The following QTRT2 variants were observed in gnomAD, a reference collection of about 807,000 sequenced individuals.
QTRT2 encodes queuine tRNA-ribosyltransferase domain containing 1.
Under a neutral mutation model 44.8 loss-of-function variants are expected in QTRT2, and 32 were observed. The ratio of observed to expected loss-of-function variants is 0.71; its 90% confidence interval spans 0.54 to 0.96. QTRT2 has a LOEUF of 0.96. Ranked by LOEUF, QTRT2 falls within the 40% of genes least tolerant of loss-of-function variation. The probability of loss-of-function intolerance (pLI) is 0.00; values close to 1 mark genes in which losing one functional copy is unlikely to be tolerated. For missense variants in QTRT2, 461 were observed against 503.1 expected (o/e 0.92, Z 0.80); for synonymous variants, 182 against 187.4 (o/e 0.97, Z 0.24).
chr3:114,060,679 G>T (rs1246428865), intron 2 of QTRT2, among the ~76,000 whole-genome samples: 3 of 152,114 alleles, frequency 2.0e-5, no homozygotes, highest in Non-Finnish European at 4.4e-5. Flanking sequence ...CACAGTAGTA[G>T]ATGTTAGTCA....
intron 6 of QTRT2, among the ~76,000 whole-genome samples, chr3:114,073,358 T>A (rs1157128373): frequency 6.6e-6 from 1 of 152,096 alleles, no homozygotes; most frequent in Non-Finnish European, 1.5e-5. Flanking sequence ...CTTCTGCATA[T>A]TTGTGGGGGT....
At position 114,087,125 on chromosome 3, in the gene QTRT2, C is replaced by T. The variant is rs1160222026; in HGVS notation, c.*1221C>T. The T allele has an allele frequency of 6.6e-6, 1 of 152,156 alleles. No homozygotes were observed. The highest frequency in any genetic ancestry group is 1.5e-5 in the Non-Finnish European group (1 of 68,028). The allele number at this position is 152,156 out of a possible 1,614,324, so 9.4% of individuals were successfully genotyped here. A position where few individuals can be genotyped will look rare whatever the true frequency, so the allele number is the denominator to read the frequency against. On this transcript the variant is annotated 3_prime_UTR_variant, in exon 10 of 10. Coordinates refer to ENST00000281273, the MANE Select transcript of QTRT2 (RefSeq NM_024638.4). ...TAAGGAATACACATACACCCACATG[C>T]ACACACCATAGTTTTTATACAAACA...
chr3:114,057,220 C>G, intron 2 of QTRT2, 114 bp downstream of exon 2: 1 of 320,690 alleles, frequency 3.1e-6, no homozygotes. Flanking sequence ...GCCCATGGAG[C>G]AAAGATAAAT....
intron 3 of QTRT2, among the ~76,000 whole-genome samples, chr3:114,065,953 T>C (rs578158618): frequency 1.3e-5 from 2 of 152,338 alleles, no homozygotes; most frequent in East Asian, 3.9e-4. Flanking sequence ...ACAACAGAGA[T>C]TTTAAAGGGG....
At chr3:114,061,423 C>T (rs2076885181) in intron 2 of QTRT2, among the ~76,000 whole-genome samples, 1 of 152,162 alleles carries the variant, frequency 6.6e-6, no homozygotes, top group Non-Finnish European at 1.5e-5. Flanking sequence ...AATCCCTTAC[C>T]AGTGGCCAGC....
At chr3:114,065,174 C>G in intron 2 of QTRT2, 63 bp from the exon 3 acceptor site, 1 of 1,080,886 alleles carries the variant, frequency 9.3e-7, no homozygotes, top group South Asian at 1.6e-5. Flanking sequence ...TTTTTTTTTG[C>G]AAAATGCTTG....
chr3:114,082,721 C>G lies in QTRT2; in HGVS notation c.943C>G (p.Gln315Glu). ...ACAAGAAGAAATAAAATGTATGGAT[C>G]AAATAAAGAAAATTGAAACAACTGG... ...GTQEEIKCMD[Q>E]IKKIETTGCN... The change falls in exon 9 of 10, where the codon CAA (glutamine) becomes GAA (glutamate). Residue 315 changes from glutamine to glutamate, a missense_variant. Gln to Glu is a conservative substitution (Grantham distance 29). Coordinates refer to ENST00000281273, the MANE Select transcript of QTRT2 (RefSeq NM_024638.4). The G allele has an allele frequency of 6.6e-7, 1 of 1,525,090 alleles. No individual in the cohort carries two copies. Among genetic ancestry groups the G allele is most frequent in the Non-Finnish European group, 9.0e-7 (1 of 1,114,850 alleles). 94.5% of individuals were successfully genotyped at this position (1,525,090 alleles called of 1,614,324 possible). A position where few individuals can be genotyped will look rare whatever the true frequency, so the allele number is the denominator to read the frequency against.
At chr3:114,071,935 C>T (rs2077029929) in intron 6 of QTRT2, among the ~76,000 whole-genome samples, 1 of 152,216 alleles carries the variant, frequency 6.6e-6, no homozygotes, top group Non-Finnish European at 1.5e-5. Flanking sequence ...GATGTGGCCT[C>T]TACCTACTCC....
At chr3:114,066,916 A>G (rs1331261013) in intron 4 of QTRT2, among the ~76,000 whole-genome samples, 2 of 152,220 alleles carry the variant, frequency 1.3e-5, no homozygotes, top group African/African-American at 2.4e-5. Flanking sequence ...TGTTAATATT[A>G]TCCTTTATTC....
At chr3:114,062,850 T>A (rs1474711565) in intron 2 of QTRT2, among the ~76,000 whole-genome samples, 1 of 152,220 alleles carries the variant, frequency 6.6e-6, no homozygotes, top group East Asian at 1.9e-4. Context: ...AGGTTCTTCG[T>A]GCCTTTATAT....
intron 9 of QTRT2, among the ~76,000 whole-genome samples, chr3:114,083,735 G>C (rs62267099): frequency 0.1 from 15,279 of 152,138 alleles, 872 homozygotes; most frequent in African/African-American, 0.14. Context: ...CCCATATTCT[G>C]TTGGGACTCC....
chr3:114,080,792 A>T (rs889983605), intron 8 of QTRT2, among the ~76,000 whole-genome samples: 10 of 152,182 alleles, frequency 6.6e-5, no homozygotes, highest in African/African-American at 2.4e-4. Flanking sequence ...CTTACATTTG[A>T]ATAGGACCAG....
chr3:114,073,653 A>G, intron 6 of QTRT2, among the ~76,000 whole-genome samples: 1 of 152,146 alleles, frequency 6.6e-6, no homozygotes. Context: ...TGCTGGGATT[A>G]TAGATGTGAG....
At chr3:114,058,642 C>T (rs1047537212) in intron 2 of QTRT2, among the ~76,000 whole-genome samples, 3 of 152,160 alleles carry the variant, frequency 2.0e-5, no homozygotes, top group African/African-American at 7.2e-5. Flanking sequence ...AAGTGATTCT[C>T]CTGTCTCAGC....
rs1198811601 is a variant in QTRT2 at position 114,088,154 on chromosome 3, G to T, written c.*2250G>T. The T allele has an allele frequency of 1.3e-5, 2 of 152,166 alleles. No homozygotes were observed. Among genetic ancestry groups the T allele is most frequent in the Non-Finnish European group, 2.9e-5 (2 of 68,024 alleles). The allele number at this position is 152,166 out of a possible 1,614,324, so 9.4% of individuals were successfully genotyped here. On this transcript the variant is annotated 3_prime_UTR_variant, in exon 10 of 10. Coordinates refer to ENST00000281273, the MANE Select transcript of QTRT2 (RefSeq NM_024638.4). ...TTCTATGCTAAATGCATCGTTAGGG[G>T]AGTAGTGGTAAATATTCCAGAATCC...
rs879736407 is a variant in QTRT2, at chr3:114,060,492, GTAGGTAGATAGATAGATAGATAGA to G, written c.-22+3390_-22+3413del. 9.2e-3 allele frequency among the ~76,000 whole-genome samples: 1,259 copies of G among 137,174 alleles called. 16 individuals carry two copies. Among genetic ancestry groups the G allele is most frequent in the Non-Finnish European group, 0.011 (697 of 63,582 alleles). 90.0% of individuals were successfully genotyped at this position (137,174 alleles called of 152,430 possible). A position where few individuals can be genotyped will look rare whatever the true frequency, so the allele number is the denominator to read the frequency against. On this transcript the variant is annotated intron_variant, in intron 2 of 9. Transcript: ENST00000281273. ...GATAGATAGGTAGGTAGGTAGGTAG[GTAGGTAGATAGATAGATAGATAGA>G]TAGATAGATAGATAGATAGATAGAT... is the stretch of plus-strand genomic sequence containing the variant.
chr3:114,060,899 G>A (rs2076878642), intron 2 of QTRT2, among the ~76,000 whole-genome samples: 1 of 152,184 alleles, frequency 6.6e-6, no homozygotes, highest in Non-Finnish European at 1.5e-5. Context: ...CAGCTCCTAA[G>A]TAACTAAGGG....
intron 8 of QTRT2, among the ~76,000 whole-genome samples, chr3:114,080,337 G>GA (rs1261347155): frequency 1.3e-5 from 2 of 152,184 alleles, no homozygotes; most frequent in African/African-American, 4.8e-5. Flanking sequence ...CATTCAGAGT[G>GA]AATTGTGATG....
chr3:114,067,781 G>A (rs1559951845), intron 4 of QTRT2, among the ~76,000 whole-genome samples: 1 of 152,134 alleles, frequency 6.6e-6, no homozygotes, highest in Admixed American at 6.6e-5. Flanking sequence ...TTTATTAGAC[G>A]TGAAGCTTTA....
Sources: gnomAD v4.1 joint callset for allele counts (sites outside exome capture counted in the v4.1 genomes callset) on GRCh38, gnomAD v4.1.1 for gene constraint, MANE v1.5 for transcripts, NCBI Gene and HGNC (gene_info 2026-07-23, HGNC 2026-07-21) for gene names.